Variants in MAD1L1 observed in about 807,000 individuals in gnomAD.
The protein encoded by MAD1L1 is mitotic spindle assembly checkpoint protein MAD1.
In MAD1L1, 95 loss-of-function variants were observed where a neutral mutation model predicts 96.9. That is an observed-to-expected ratio of 0.98 (90% CI 0.83 to 1.16). The LOEUF is 1.16. MAD1L1 is among the 50% of genes most tolerant of loss of function. MAD1L1 has a pLI of 0.00. For missense variants in MAD1L1, 1,007 were observed against 954.4 expected (o/e 1.06, Z -0.73); for synonymous variants, 473 against 396.6 (o/e 1.19, Z -2.29).
chr7:1,929,782 C>CT (rs1333416585), intron 17 of MAD1L1, among the ~76,000 whole-genome samples: 4 of 147,000 alleles, frequency 2.7e-5, no homozygotes, highest in Admixed American at 6.7e-5. Context: ...GCCCCGTCCC[C>CT]ACTGCCACGT....
chr7:2,046,226 C>A (rs1302310933), intron 12 of MAD1L1, among the ~76,000 whole-genome samples: 1 of 152,176 alleles, frequency 6.6e-6, no homozygotes, highest in African/African-American at 2.4e-5. Flanking sequence ...TCCAGGCCTG[C>A]ACTCACAGGC....
intron 12 of MAD1L1, among the ~76,000 whole-genome samples, chr7:2,026,368 T>C (rs766095085): frequency 1.3e-5 from 2 of 152,142 alleles, no homozygotes; most frequent in African/African-American, 2.4e-5. Flanking sequence ...ACAATCATAA[T>C]GGGAAATTTC....
At chr7:1,980,842 G>A in intron 14 of MAD1L1, 1 of 513,604 alleles carries the variant, frequency 1.9e-6, no homozygotes, top group Non-Finnish European at 3.8e-6. Context: ...ACGCAGCTGG[G>A]GAGAGAGCAC....
intron 18 of MAD1L1, among the ~76,000 whole-genome samples, chr7:1,827,073 G>A (rs1356870885): frequency 6.6e-6 from 1 of 152,244 alleles, no homozygotes; most frequent in Non-Finnish European, 1.5e-5. Flanking sequence ...CCGAGGGAGT[G>A]GGGGCGCCGG....
chr7:2,043,516 G>C (rs1356638594), intron 12 of MAD1L1, among the ~76,000 whole-genome samples: 1 of 152,258 alleles, frequency 6.6e-6, no homozygotes, highest in African/African-American at 2.4e-5. Flanking sequence ...CCTGTGGGCT[G>C]GAGGTGGCCG....
intron 10 of MAD1L1, among the ~76,000 whole-genome samples, chr7:2,176,087 C>T (rs1443199969): frequency 1.3e-5 from 2 of 152,178 alleles, no homozygotes; most frequent in Admixed American, 1.3e-4. Context: ...GTGGCTCACA[C>T]CTGTAATCTC....
At chr7:1,921,969 G>C (rs1369635101) in intron 17 of MAD1L1, among the ~76,000 whole-genome samples, 1 of 152,242 alleles carries the variant, frequency 6.6e-6, no homozygotes, top group Non-Finnish European at 1.5e-5. Flanking sequence ...TACTTACTAA[G>C]CTTAAAAGCA....
intron 12 of MAD1L1, among the ~76,000 whole-genome samples, chr7:2,042,690 G>A (rs1783741420): frequency 6.6e-6 from 1 of 152,140 alleles, no homozygotes; most frequent in Non-Finnish European, 1.5e-5. Context: ...TGTCTCTCTT[G>A]CTCCTGCTCT....
In MAD1L1 at chr7:2,044,869, G is replaced by C. The variant is rs141191552; in HGVS notation, c.1218+24325C>G. On this transcript the variant is annotated intron_variant, in intron 12 of 18. Coordinates refer to ENST00000265854, the MANE Select transcript of MAD1L1 (RefSeq NM_001013836.2). ...AGCTCCTGTGCCAGTGGTGTAGACA[G>C]GGGAGCCCAGGGGAGGCAACAGCAT... Among the ~76,000 whole-genome samples the C allele has an allele frequency of 1.3e-3, 202 of 152,134 alleles. 1 individual carries two copies. Among genetic ancestry groups the C allele is most frequent in the African/African-American group, 4.6e-3 (189 of 41,490 alleles).
chr7:1,837,747 GA>G (rs747507682), intron 18 of MAD1L1, among the ~76,000 whole-genome samples: 1 of 152,258 alleles, frequency 6.6e-6, no homozygotes, highest in Non-Finnish European at 1.5e-5. Flanking sequence ...GTGGTGACAG[GA>G]AACACAGAAG....
intron 12 of MAD1L1, among the ~76,000 whole-genome samples, chr7:2,016,834 C>T (rs982969345): frequency 7.2e-5 from 11 of 152,270 alleles, no homozygotes; most frequent in Non-Finnish European, 1.5e-4. Context: ...AATTTGTTTG[C>T]ACAGGAAGGT....
At chr7:2,199,006 C>T (rs954129847) in intron 10 of MAD1L1, among the ~76,000 whole-genome samples, 1 of 152,226 alleles carries the variant, frequency 6.6e-6, no homozygotes, top group African/African-American at 2.4e-5. Context: ...CCCCCCTTCA[C>T]AGTCCTCCCG....
In MAD1L1 at chr7:2,114,511, G is replaced by A. The variant is rs1285967475; in HGVS notation, c.1073+34641C>T. On this transcript the variant is annotated intron_variant, in intron 11 of 18. Transcript: ENST00000265854. The surrounding 1 kb of genome is among the most constrained non-coding windows in gnomAD (Gnocchi z 4.2). ...GCCTGGCTGCCGGGATCAATCTTGCGGGTCACCTCCCTGCAGCAAGGCCCA... is the reference window on the plus strand; with the variant it reads ...GCCTGGCTGCCGGGATCAATCTTGCAGGTCACCTCCCTGCAGCAAGGCCCA... Among the ~76,000 whole-genome samples, 3 of 152,212 alleles carry A rather than the reference G, an allele frequency of 2.0e-5. No homozygotes were observed. The highest frequency in any genetic ancestry group is 2.1e-4 in the South Asian group (1 of 4,826).
In MAD1L1 at chr7:1,936,814, G is replaced by A. The variant is rs775890583; in HGVS notation, c.1680C>T (p.Asp560=). 1.3e-6 allele frequency: 2 copies of A among 1,599,680 alleles called. No homozygotes were observed. Among genetic ancestry groups the A allele is most frequent in the Non-Finnish European group, 1.7e-6 (2 of 1,174,108 alleles). The change falls in exon 17 of 19, where the codon GAC becomes GAT. Residue 560 remains aspartate, a synonymous_variant. Transcript: ENST00000265854. ...TSVARQRLRE[D]HSQLQAECER... ...CGCACTCCGCCTGCAGCTGGCTGTG[G>A]TCCTCGCGCAGGCGCTGCCTGGCCA...
At chr7:2,066,971 G>A (rs996643483) in intron 12 of MAD1L1, among the ~76,000 whole-genome samples, 2 of 152,216 alleles carry the variant, frequency 1.3e-5, no homozygotes, top group African/African-American at 4.8e-5. Flanking sequence ...CTGAGGCCGG[G>A]CGGGGCTGCC....
intron 12 of MAD1L1, among the ~76,000 whole-genome samples, chr7:2,040,890 C>T (rs922135746): frequency 2.6e-5 from 4 of 152,254 alleles, no homozygotes; most frequent in Non-Finnish European, 4.4e-5. Flanking sequence ...TCTTTGGAAT[C>T]GCTCATTCAG....
chr7:2,015,493 C>T (rs914268108), intron 12 of MAD1L1, among the ~76,000 whole-genome samples: 10 of 152,212 alleles, frequency 6.6e-5, no homozygotes, highest in African/African-American at 1.7e-4. Context: ...CCAGACCCTG[C>T]GGGTGCCCAT....
intron 17 of MAD1L1, among the ~76,000 whole-genome samples, chr7:1,923,347 C>A (rs1390715593): frequency 6.6e-6 from 1 of 152,238 alleles, no homozygotes; most frequent in Non-Finnish European, 1.5e-5. Flanking sequence ...GCACAAGACG[C>A]ACACAGCTTG....
chr7:1,858,495 T>C (rs570208172), intron 18 of MAD1L1, among the ~76,000 whole-genome samples: 136 of 152,348 alleles, frequency 8.9e-4, no homozygotes, highest in African/African-American at 3.1e-3. Context: ...GGCTCCCATG[T>C]GGTGCCCCCA....
Sources: allele counts gnomAD v4.1 joint callset (sites outside exome capture counted in the v4.1 genomes callset), GRCh38; gene constraint gnomAD v4.1.1; non-coding constraint Gnocchi (gnomAD v3.1); transcripts MANE v1.5; gene names NCBI Gene and HGNC (gene_info 2026-07-23, HGNC 2026-07-21).